Variants in TMPRSS4 observed in about 807,000 individuals in gnomAD.
TMPRSS4 encodes the protein transmembrane protease serine 4.
A neutral mutation model predicts 56.4 loss-of-function variants in TMPRSS4; 45 were observed. That is an observed-to-expected ratio of 0.80 (90% CI 0.63 to 1.02). The LOEUF is 1.02. Among genes scored for constraint, TMPRSS4 ranks in the 50% least tolerant of loss-of-function variants. The pLI is 0.00. For missense variants in TMPRSS4, 546 were observed against 556.7 expected (o/e 0.98, Z 0.19); for synonymous variants, 205 against 211.0 (o/e 0.97, Z 0.25).
chr11:118,099,105 G>A lies in TMPRSS4; in HGVS notation c.157+7G>A. The stretch of plus-strand genomic sequence containing the variant: ...ATCATTGTGGTTGTCCTCAGTAAGT[G>A]ACAGCCCGTACCCGACTTTCACCCT... On this transcript the variant is annotated splice_region_variant and intron_variant, in intron 3 of 12. Transcript: ENST00000437212. 6.2e-7 allele frequency: 1 copy of A among 1,611,696 alleles called. No individual in the cohort carries two copies. Among genetic ancestry groups the A allele is most frequent in the Non-Finnish European group, 8.5e-7 (1 of 1,178,026 alleles).
intron 1 of TMPRSS4, among the ~76,000 whole-genome samples, chr11:118,094,474 A>C (rs1946174968): frequency 6.6e-6 from 1 of 152,228 alleles, no homozygotes; most frequent in Non-Finnish European, 1.5e-5. Flanking sequence ...TTACAGAAAT[A>C]TAGTATCTGT....
chr11:118,108,765 G>GGAC, intron 6 of TMPRSS4, 91 bp from the exon 7 acceptor site: 1 of 1,308,964 alleles, frequency 7.6e-7, no homozygotes, highest in Admixed American at 1.8e-5. Context: ...TATTGGGAGG[G>GGAC]GACTTGAATT....
chr11:118,097,041 A>AGAAAGGAAAGGAAAGGAAAG (rs67321345), intron 2 of TMPRSS4, among the ~76,000 whole-genome samples: 19,876 of 77,126 alleles, frequency 0.26, 3,770 homozygotes, highest in Non-Finnish European at 0.31. Flanking sequence ...AGAAAAGGAA[A>AGAAAGGAAAGGAAAGGAAAG]GAAAGGAAAG....
chr11:118,094,512 A>T (rs559744222), intron 1 of TMPRSS4, among the ~76,000 whole-genome samples: 28 of 152,358 alleles, frequency 1.8e-4, no homozygotes, highest in African/African-American at 6.0e-4. Context: ...TGACAAAAAC[A>T]GATAGTAGAG....
Position 118,118,912 on chromosome 11 carries a change from C to A in TMPRSS4, c.*999C>A, listed in dbSNP as rs1333070439. 2 of 985,348 alleles carry A rather than the reference C, an allele frequency of 2.0e-6. No homozygotes were observed. The highest frequency in any genetic ancestry group is 2.4e-6 in the Non-Finnish European group (2 of 829,922). The allele number at this position is 985,348 out of a possible 1,614,324, so 61.0% of individuals were successfully genotyped here. On this transcript the variant is annotated 3_prime_UTR_variant, in exon 13 of 13. Coordinates refer to ENST00000437212, the MANE Select transcript of TMPRSS4 (RefSeq NM_019894.4). Reference sequence around the variant, plus strand: ...ATCAGCTGCCAGGTGTGAGGCAGTCCCCAAGCTGAGTTGTGAGGATGTAAG... The same window carrying A: ...ATCAGCTGCCAGGTGTGAGGCAGTCACCAAGCTGAGTTGTGAGGATGTAAG...
intron 7 of TMPRSS4, among the ~76,000 whole-genome samples, chr11:118,110,712 T>C (rs772133007): frequency 5.3e-5 from 8 of 152,132 alleles, no homozygotes; most frequent in Non-Finnish European, 1.2e-4. Context: ...ATCCCTCACA[T>C]GTGCAGTTCA....
chr11:118,089,885 C>T (rs1304878751), intron 1 of TMPRSS4, among the ~76,000 whole-genome samples: 1 of 152,112 alleles, frequency 6.6e-6, no homozygotes, highest in African/African-American at 2.4e-5. Flanking sequence ...GTTGCTCTGT[C>T]CCCCAGGCTG....
At position 118,104,750 on chromosome 11, in the gene TMPRSS4, T is replaced by TTC; in HGVS notation, c.374_375dup (p.Ala126LeufsTer76). 2 of 1,614,160 alleles carry TTC rather than the reference T, an allele frequency of 1.2e-6. No individual in the cohort carries two copies. The highest frequency in any genetic ancestry group is 1.7e-6 in the Non-Finnish European group (2 of 1,180,008). ...GCTGGACTCGGCCACAGGGAACTGG[T>TTC]TCTCTGCCTGTTTCGACAACTTCAC... On this transcript the variant is annotated frameshift_variant, in exon 5 of 13. Coordinates refer to ENST00000437212, the MANE Select transcript of TMPRSS4 (RefSeq NM_019894.4). LOFTEE classifies it high-confidence loss of function.
At position 118,108,894 on chromosome 11, in the gene TMPRSS4, T is replaced by C. The variant is rs1947134475; in HGVS notation, c.581T>C (p.Leu194Pro). The change falls in exon 7 of 13, where the codon CTT (leucine) becomes CCT (proline). Residue 194 changes from leucine (L) to proline (P), a missense_variant and splice_region_variant. By Grantham distance (98) the Leu-to-Pro change is moderately conservative. Transcript: ENST00000437212. ...LSGSLVSLHC[L>P]ACGKSLKTPR... Reference sequence around the variant, plus strand: ...GGCTCCCTGGTCTCCCTGCACTGTCTTGGTGAGTACCCCCAATCTCTGAGG... The same window carrying C: ...GGCTCCCTGGTCTCCCTGCACTGTCCTGGTGAGTACCCCCAATCTCTGAGG... 6.2e-7 allele frequency: 1 copy of C among 1,614,018 alleles called. No individual in the cohort carries two copies. The highest frequency in any genetic ancestry group is 1.3e-5 in the African/African-American group (1 of 75,022).
At chr11:118,112,293 A>C (rs1355343605) in intron 8 of TMPRSS4, among the ~76,000 whole-genome samples, 1 of 151,554 alleles carries the variant, frequency 6.6e-6, no homozygotes, top group Admixed American at 6.6e-5. Flanking sequence ...TGGAAACTTT[A>C]AAAAAATTAA....
chr11:118,080,309 C>T (rs1945021209), intron 1 of TMPRSS4, among the ~76,000 whole-genome samples: 2 of 152,184 alleles, frequency 1.3e-5, no homozygotes, highest in African/African-American at 2.4e-5. Context: ...GCTCCAGACA[C>T]AGGGGACTGC....
chr11:118,096,505 C>T (rs1480670707), intron 2 of TMPRSS4, among the ~76,000 whole-genome samples: 6 of 152,192 alleles, frequency 3.9e-5, no homozygotes, highest in African/African-American at 9.6e-5. Flanking sequence ...TAGAAGGGGC[C>T]GGGCATGGTG....
chr11:118,080,995 C>A (rs920708320), intron 1 of TMPRSS4, among the ~76,000 whole-genome samples: 2 of 152,212 alleles, frequency 1.3e-5, no homozygotes, highest in African/African-American at 2.4e-5. Context: ...CCTGTTGCCA[C>A]CAGAATGGGA....
intron 7 of TMPRSS4, among the ~76,000 whole-genome samples, chr11:118,109,218 C>T (rs78060998): frequency 5.3e-5 from 8 of 152,134 alleles, no homozygotes; most frequent in African/African-American, 7.2e-5. Flanking sequence ...ATCCCTGGTC[C>T]GGGCCCACAT....
At chr11:118,114,293 A>G (rs893826884) in intron 9 of TMPRSS4, among the ~76,000 whole-genome samples, 2 of 152,198 alleles carry the variant, frequency 1.3e-5, no homozygotes, top group Non-Finnish European at 2.9e-5. Flanking sequence ...GGTGACAGAT[A>G]CAGACACAGC....
intron 1 of TMPRSS4, among the ~76,000 whole-genome samples, chr11:118,081,214 A>G (rs1238519514): frequency 6.6e-6 from 1 of 152,228 alleles, no homozygotes; most frequent in East Asian, 1.9e-4. Flanking sequence ...CCCGAAGTCC[A>G]ATTGGAAAAC....
intron 2 of TMPRSS4, among the ~76,000 whole-genome samples, chr11:118,096,909 AAGGGAGAG>A (rs1565422610): frequency 5.0e-4 from 8 of 16,074 alleles, no homozygotes; most frequent in Non-Finnish European, 7.4e-4. Context: ...GAAAGAAAGA[AAGGGAGAG>A]AGAAAGGAAA....
intron 1 of TMPRSS4, among the ~76,000 whole-genome samples, chr11:118,082,390 A>G (rs1172415787): frequency 6.6e-6 from 1 of 152,056 alleles, no homozygotes; most frequent in Non-Finnish European, 1.5e-5. Flanking sequence ...GTGAAACCCC[A>G]TCTCTACTAA....
At position 118,120,830 on chromosome 11, in the gene TMPRSS4, A is replaced by AT. The variant is rs1472505936; in HGVS notation, c.*2918dup. On this transcript the variant is annotated 3_prime_UTR_variant, in exon 13 of 13. Transcript: ENST00000437212. Reference sequence around the variant, plus strand: ...AGTACCAAAGAGATAAGAGCTGAGAATGTTCCAGAATTGATAAAAGGTGTG... The same window carrying AT: ...AGTACCAAAGAGATAAGAGCTGAGAATTGTTCCAGAATTGATAAAAGGTGTG... The AT allele has an allele frequency of 2.6e-5, 4 of 152,228 alleles. No homozygotes were observed. The highest frequency in any genetic ancestry group is 4.4e-5 in the Non-Finnish European group (3 of 68,046). The allele number at this position is 152,228 out of a possible 1,614,324, so 9.4% of individuals were successfully genotyped here.
Sources: gnomAD v4.1 joint callset for allele counts (sites outside exome capture counted in the v4.1 genomes callset) on GRCh38, gnomAD v4.1.1 for gene constraint, MANE v1.5 for transcripts, NCBI Gene and HGNC (gene_info 2026-07-23, HGNC 2026-07-21) for gene names.